Variants in ARF6 observed in about 807,000 individuals in gnomAD.
ARF6 encodes the protein ARF GTPase 6, also known as ADP-ribosylation factor 6.
For missense variants in ARF6, 75 were observed against 232.0 expected (o/e 0.32, Z 4.40); for synonymous variants, 127 against 95.5 (o/e 1.33, Z -1.92).
chr14:49,893,580 G>A lies in ARF6; in HGVS notation c.-157G>A. 1.2e-6 allele frequency: 1 copy of A among 818,366 alleles called. No homozygotes were observed. Among genetic ancestry groups the A allele is most frequent in the Non-Finnish European group, 1.9e-6 (1 of 523,642 alleles). 50.7% of individuals were successfully genotyped at this position (818,366 alleles called of 1,614,324 possible). The stretch of plus-strand genomic sequence containing the variant: ...GTCGGTGATGCCCGAGTGAGCGGGG[G>A]GCCTGGGCCTCTGCCCTTAGGAGGC... On this transcript the variant is annotated 5_prime_UTR_variant, in exon 2 of 2. Transcript: ENST00000298316.
rs1334844276 is a variant in ARF6, at chr14:49,894,887, A to G, written c.*623A>G. On this transcript the variant is annotated 3_prime_UTR_variant, in exon 2 of 2. Coordinates refer to ENST00000298316, the MANE Select transcript of ARF6 (RefSeq NM_001663.4). ...GACCAGTATAGTAAACTTAGCCCAC[A>G]GTGGCAAATAATGAGTAATATTGTA... 6.0e-6 allele frequency: 1 copy of G among 167,116 alleles called. No homozygotes were observed. The highest frequency in any genetic ancestry group is 1.9e-4 in the East Asian group (1 of 5,206). 10.4% of individuals were successfully genotyped at this position (167,116 alleles called of 1,614,324 possible).
At position 49,893,479 on chromosome 14, in the gene ARF6, C is replaced by T; in HGVS notation, c.-258C>T. ...AAGGGCAGTTCCGGGCCGGGCCGCG[C>T]CTCAGCAGGGCGGCGGCTCCCAGCG... On this transcript the variant is annotated 5_prime_UTR_variant, in exon 2 of 2. Coordinates refer to ENST00000298316, the MANE Select transcript of ARF6 (RefSeq NM_001663.4). 2.4e-6 allele frequency: 1 copy of T among 422,424 alleles called. No homozygotes were observed. The highest frequency in any genetic ancestry group is 4.2e-6 in the Non-Finnish European group (1 of 236,516). The allele number at this position is 422,424 out of a possible 1,614,324, so 26.2% of individuals were successfully genotyped here.
Position 49,894,346 on chromosome 14 carries a change from T to G in ARF6, c.*82T>G, listed in dbSNP as rs767570165. On this transcript the variant is annotated 3_prime_UTR_variant, in exon 2 of 2. Transcript: ENST00000298316. ...TTATCGCCACCATCACCTCTTTCAA[T>G]TGCCACTTTCTCTTCTTTTGAATTT... The G allele has an allele frequency of 5.9e-6, 8 of 1,365,358 alleles. 1 individual carries two copies. Among genetic ancestry groups the G allele is most frequent in the Non-Finnish European group, 7.9e-6 (8 of 1,014,166 alleles). The allele number at this position is 1,365,358 out of a possible 1,614,324, so 84.6% of individuals were successfully genotyped here.
At position 49,893,832 on chromosome 14, in the gene ARF6, G is replaced by A. The variant is rs1386007789; in HGVS notation, c.96G>A (p.Lys32=). The part of the protein sequence containing the change: ...DAAGKTTILY[K]LKLGQSVTTI... ...CCGGCAAGACAACAATCCTGTACAA[G>A]TTGAAGCTGGGCCAGTCGGTGACCA... is the stretch of plus-strand genomic sequence containing the variant. Residue 32 remains lysine (K), a synonymous_variant, in exon 2 of 2, where the codon AAG becomes AAA. Transcript: ENST00000298316. 2.5e-6 allele frequency: 4 copies of A among 1,614,124 alleles called. No individual in the cohort carries two copies. Among genetic ancestry groups the A allele is most frequent in the Non-Finnish European group, 3.4e-6 (4 of 1,180,052 alleles).
rs1388000206 is a variant in ARF6 at position 49,893,544 on chromosome 14, C to CA, written c.-191dup. 1.1e-5 allele frequency: 7 copies of CA among 650,504 alleles called. No homozygotes were observed. In the African/African-American group the frequency reaches 1.3e-4, roughly 12 times the overall value. 40.3% of individuals were successfully genotyped at this position (650,504 alleles called of 1,614,324 possible). The stretch of plus-strand genomic sequence containing the variant: ...GGGTGGCGGCGGCGACTGGAGAAAT[C>CA]AAGTTGTGCGGTCGGTGATGCCCGA... On this transcript the variant is annotated 5_prime_UTR_variant, in exon 2 of 2. Transcript: ENST00000298316.
At position 49,894,159 on chromosome 14, in the gene ARF6, G is replaced by A; in HGVS notation, c.423G>A (p.Leu141=). 6.2e-7 allele frequency: 1 copy of A among 1,614,140 alleles called. No homozygotes were observed. Among genetic ancestry groups the A allele is most frequent in the Non-Finnish European group, 8.5e-7 (1 of 1,180,020 alleles). Residue 141 remains leucine, a synonymous_variant, in exon 2 of 2, where the codon CTG becomes CTA. Coordinates refer to ENST00000298316, the MANE Select transcript of ARF6 (RefSeq NM_001663.4). ...ACGAGATCCAGGAGAAACTGGGCCT[G>A]ACCCGGATTCGGGACAGGAACTGGT... is the stretch of plus-strand genomic sequence containing the variant. The part of the protein sequence containing the change: ...KPHEIQEKLG[L]TRIRDRNWYV...
rs1167144090 is a variant in ARF6, at chr14:49,893,663, G to T, written c.-74G>T. Reference sequence around the variant, plus strand: ...GGCCGAGAGGCTTCGTTTCGGTTTCGCGGCGGCGGCGGCGTTGTTGGCTGA... The same window carrying T: ...GGCCGAGAGGCTTCGTTTCGGTTTCTCGGCGGCGGCGGCGTTGTTGGCTGA... On this transcript the variant is annotated 5_prime_UTR_variant, in exon 2 of 2. Transcript: ENST00000298316. The T allele has an allele frequency of 6.6e-7, 1 of 1,517,566 alleles. No individual in the cohort carries two copies. Among genetic ancestry groups the T allele is most frequent in the African/African-American group, 1.4e-5 (1 of 72,140 alleles). The allele number at this position is 1,517,566 out of a possible 1,614,324, so 94.0% of individuals were successfully genotyped here. A position where few individuals can be genotyped will look rare whatever the true frequency, so the allele number is the denominator to read the frequency against.
Position 49,895,444 on chromosome 14 carries a change from A to T in ARF6, c.*1180A>T, listed in dbSNP as rs1894508764. 6.0e-6 allele frequency: 1 copy of T among 167,116 alleles called. No individual in the cohort carries two copies. The highest frequency in any genetic ancestry group is 2.4e-5 in the African/African-American group (1 of 41,478). 10.4% of individuals were successfully genotyped at this position (167,116 alleles called of 1,614,324 possible). ...GTAAGTCATTTTTTATAGATGAGTG[A>T]TCCGCATCTCCATCAATTAGAACAC... On this transcript the variant is annotated 3_prime_UTR_variant, in exon 2 of 2. Transcript: ENST00000298316.
In ARF6 at chr14:49,896,276, A is replaced by G. The variant is rs1163107161; in HGVS notation, c.*2012A>G. ...GAAATGAGGCTGATAAACACATCTAAGAACACTGGTTGCTTTCTAAAATTT... is the reference window on the plus strand; with the variant it reads ...GAAATGAGGCTGATAAACACATCTAGGAACACTGGTTGCTTTCTAAAATTT... On this transcript the variant is annotated 3_prime_UTR_variant, in exon 2 of 2. Coordinates refer to ENST00000298316, the MANE Select transcript of ARF6 (RefSeq NM_001663.4). 1.2e-5 allele frequency: 2 copies of G among 167,048 alleles called. No individual in the cohort carries two copies. Among genetic ancestry groups the G allele is most frequent in the African/African-American group, 4.8e-5 (2 of 41,460 alleles). The allele number at this position is 167,048 out of a possible 1,614,324, so 10.3% of individuals were successfully genotyped here.
At position 49,894,413 on chromosome 14, in the gene ARF6, C is replaced by G; in HGVS notation, c.*149C>G. ...GTTCTACAGTTTGGCGGGGACGGGGCTTGGGGGTTTTCTCTTTTGTTTGTT... is the reference window on the plus strand; with the variant it reads ...GTTCTACAGTTTGGCGGGGACGGGGGTTGGGGGTTTTCTCTTTTGTTTGTT... On this transcript the variant is annotated 3_prime_UTR_variant, in exon 2 of 2. Transcript: ENST00000298316. 12 of 625,694 alleles carry G rather than the reference C, an allele frequency of 1.9e-5. No homozygotes were observed. The highest frequency in any genetic ancestry group is 2.8e-5 in the Non-Finnish European group (11 of 395,384). The allele number at this position is 625,694 out of a possible 1,614,324, so 38.8% of individuals were successfully genotyped here.
rs2139191043 is a variant in ARF6 at position 49,896,371 on chromosome 14, T to G, written c.*2107T>G. Reference sequence around the variant, plus strand: ...GCATTTTAAAGTATATAAATATGGGTTATCCAATATCAATGCTATAGTAAC... The same window carrying G: ...GCATTTTAAAGTATATAAATATGGGGTATCCAATATCAATGCTATAGTAAC... On this transcript the variant is annotated 3_prime_UTR_variant, in exon 2 of 2. Transcript: ENST00000298316. The G allele has an allele frequency of 6.0e-6, 1 of 167,136 alleles. No individual in the cohort carries two copies. Among genetic ancestry groups the G allele is most frequent in the African/African-American group, 2.4e-5 (1 of 41,556 alleles). The allele number at this position is 167,136 out of a possible 1,614,324, so 10.4% of individuals were successfully genotyped here.
Position 49,893,422 on chromosome 14 carries a change from C to T in ARF6, c.-315C>T, listed in dbSNP as rs574175855. The T allele has an allele frequency of 0.011, 2,541 of 223,316 alleles. 39 individuals are homozygous for T. The highest frequency in any genetic ancestry group is 0.018 in the Non-Finnish European group (2,079 of 116,310). 13.8% of individuals were successfully genotyped at this position (223,316 alleles called of 1,614,324 possible). ...GAGAGGAAGGCGGAGGAGCGGGAAC[C>T]GCGGCGGCGCTCGCGCGGCGCCTGC... On this transcript the variant is annotated 5_prime_UTR_variant, in exon 2 of 2. Coordinates refer to ENST00000298316, the MANE Select transcript of ARF6 (RefSeq NM_001663.4).
At position 49,895,877 on chromosome 14, in the gene ARF6, C is replaced by T. The variant is rs1045593709; in HGVS notation, c.*1613C>T. 1.8e-5 allele frequency: 3 copies of T among 166,820 alleles called. No homozygotes were observed. Among genetic ancestry groups the T allele is most frequent in the Non-Finnish European group, 4.4e-5 (3 of 68,082 alleles). 10.3% of individuals were successfully genotyped at this position (166,820 alleles called of 1,614,324 possible). ...AGCCTTAAGGATTAATTTTAGTGAT[C>T]CTCAAGGAATTAAATAGGGAATTTC... On this transcript the variant is annotated 3_prime_UTR_variant, in exon 2 of 2. Coordinates refer to ENST00000298316, the MANE Select transcript of ARF6 (RefSeq NM_001663.4).
rs1444070606 is a variant in ARF6 at position 49,893,839 on chromosome 14, C to T, written c.103C>T (p.Leu35=). Residue 35 remains leucine, a synonymous_variant, in exon 2 of 2, where the codon CTG becomes TTG. Coordinates refer to ENST00000298316, the MANE Select transcript of ARF6 (RefSeq NM_001663.4). ...GACAACAATCCTGTACAAGTTGAAG[C>T]TGGGCCAGTCGGTGACCACCATTCC... ...GKTTILYKLK[L]GQSVTTIPTV... is the part of the protein sequence containing the mutation. The T allele has an allele frequency of 6.2e-7, 1 of 1,614,122 alleles. No individual in the cohort carries two copies. Among genetic ancestry groups the T allele is most frequent in the African/African-American group, 1.3e-5 (1 of 74,944 alleles).
chr14:49,895,636 C>T lies in ARF6; in HGVS notation c.*1372C>T, dbSNP rs775615301. 6 of 166,870 alleles carry T rather than the reference C, an allele frequency of 3.6e-5. No homozygotes were observed. Among genetic ancestry groups the T allele is most frequent in the East Asian group, 3.9e-4 (2 of 5,180 alleles). The allele number at this position is 166,870 out of a possible 1,614,324, so 10.3% of individuals were successfully genotyped here. Reference sequence around the variant, plus strand: ...CTTGAGGGATGACTATTAAAGGGGACGTAGGATGAAGAGAAAGAACCTACA... The same window carrying T: ...CTTGAGGGATGACTATTAAAGGGGATGTAGGATGAAGAGAAAGAACCTACA... On this transcript the variant is annotated 3_prime_UTR_variant, in exon 2 of 2. Transcript: ENST00000298316.
In ARF6 at chr14:49,893,732, A is replaced by C. The variant is rs757936468; in HGVS notation, c.-5A>C. 53 of 1,607,376 alleles carry C rather than the reference A, an allele frequency of 3.3e-5. 1 individual carries two copies. In the South Asian group the frequency reaches 5.8e-4, roughly 18 times the overall value. ...AATGCCCCCGGCCCCGGCTCCTCCG[A>C]CGCGATGGGGAAGGTGCTATCCAAA... On this transcript the variant is annotated 5_prime_UTR_variant, in exon 2 of 2. Coordinates refer to ENST00000298316, the MANE Select transcript of ARF6 (RefSeq NM_001663.4).
rs911654252 is a variant in ARF6, at chr14:49,893,298, C to T, written c.-439C>T. 2.6e-5 allele frequency: 4 copies of T among 156,120 alleles called. No individual in the cohort carries two copies. The highest frequency in any genetic ancestry group is 5.6e-5 in the Non-Finnish European group (4 of 70,930). 9.7% of individuals were successfully genotyped at this position (156,120 alleles called of 1,614,324 possible). A position where few individuals can be genotyped will look rare whatever the true frequency, so the allele number is the denominator to read the frequency against. On this transcript the variant is annotated 5_prime_UTR_variant, in exon 2 of 2. Coordinates refer to ENST00000298316, the MANE Select transcript of ARF6 (RefSeq NM_001663.4). Reference sequence around the variant, plus strand: ...CGCGAGGATCCATGACCTGACGGGGCCCCGGAGCCGCGCTGCCTCTCGGGT... The same window carrying T: ...CGCGAGGATCCATGACCTGACGGGGTCCCGGAGCCGCGCTGCCTCTCGGGT...
Position 49,894,366 on chromosome 14 carries a change from G to T in ARF6, c.*102G>T. On this transcript the variant is annotated 3_prime_UTR_variant, in exon 2 of 2. Transcript: ENST00000298316. ...TTCAATTGCCACTTTCTCTTCTTTTGAATTTGAACTCTGGAGTTACTGTTC... is the reference window on the plus strand; with the variant it reads ...TTCAATTGCCACTTTCTCTTCTTTTTAATTTGAACTCTGGAGTTACTGTTC... The T allele has an allele frequency of 1.6e-6, 2 of 1,219,566 alleles. No individual in the cohort carries two copies. Among genetic ancestry groups the T allele is most frequent in the Non-Finnish European group, 2.2e-6 (2 of 894,204 alleles). The allele number at this position is 1,219,566 out of a possible 1,614,324, so 75.5% of individuals were successfully genotyped here. A position where few individuals can be genotyped will look rare whatever the true frequency, so the allele number is the denominator to read the frequency against.
chr14:49,894,453 C>CA lies in ARF6; in HGVS notation c.*189_*190insA. On this transcript the variant is annotated 3_prime_UTR_variant, in exon 2 of 2. Transcript: ENST00000298316. Reference sequence around the variant, plus strand: ...TTTTGTTTGTTTCCCTTTCTTTTTCCTTTTTTTTTTTTTTTTTTTTTTGTT... The same window carrying CA: ...TTTTGTTTGTTTCCCTTTCTTTTTCCATTTTTTTTTTTTTTTTTTTTTTGTT... The CA allele has an allele frequency of 8.3e-6, 2 of 242,226 alleles. No homozygotes were observed. The highest frequency in any genetic ancestry group is 1.5e-5 in the Non-Finnish European group (2 of 134,762). 15.0% of individuals were successfully genotyped at this position (242,226 alleles called of 1,614,324 possible).
Sources: allele counts gnomAD v4.1 joint callset, GRCh38; gene constraint gnomAD v4.1.1; transcripts MANE v1.5; gene names NCBI Gene and HGNC (gene_info 2026-07-23, HGNC 2026-07-21).